Variants in BICD1 observed in about 807,000 individuals in gnomAD.
The protein encoded by BICD1 is protein bicaudal D homolog 1.
A neutral mutation model predicts 92.5 loss-of-function variants in BICD1; 35 were observed. That is an observed-to-expected ratio of 0.38 (90% CI 0.29 to 0.50). The LOEUF is 0.50. BICD1 is among the 20% of genes least tolerant of loss of function. BICD1 has a pLI of 0.93. For synonymous variants in BICD1, 429 were observed against 465.1 expected, an observed-to-expected ratio of 0.92 and a Z score of 1.00; for missense variants, 950 against 1,189.8, an observed-to-expected ratio of 0.80 and a Z score of 2.97.
At chr12:32,141,930 A>T (rs1942933637) in intron 1 of BICD1, among the ~76,000 whole-genome samples, 1 of 152,196 alleles carries the variant, frequency 6.6e-6, no homozygotes, top group Non-Finnish European at 1.5e-5. Flanking sequence ...GTAGGTGACG[A>T]ACAAATGTTC....
chr12:32,376,864 T>A (rs1238006663), intron 9 of BICD1, among the ~76,000 whole-genome samples: 1 of 67,074 alleles, frequency 1.5e-5, no homozygotes, highest in Non-Finnish European at 2.5e-5. Flanking sequence ...CGAGACTCCA[T>A]CTAAAAAAAA....
intron 4 of BICD1, among the ~76,000 whole-genome samples, chr12:32,308,917 G>A (rs1438125653): frequency 1.3e-5 from 2 of 152,144 alleles, no homozygotes; most frequent in Non-Finnish European, 2.9e-5. Flanking sequence ...GTTCAACACA[G>A]GAAGGGCTTT....
chr12:32,340,495 C>G (rs1362296567), intron 8 of BICD1: 6 of 982,088 alleles, frequency 6.1e-6, no homozygotes, highest in Non-Finnish European at 7.3e-6. Context: ...GTAGCACTAT[C>G]TACTGGAACT....
intron 2 of BICD1, chr12:32,228,104 G>A (rs145227387): frequency 7.7e-4 from 164 of 213,916 alleles, no homozygotes; most frequent in African/African-American, 3.5e-3. Context: ...GGATGTTCTT[G>A]GTGTTCTTGA....
chr12:32,137,828 CCTT>C (rs1592358505), intron 1 of BICD1, among the ~76,000 whole-genome samples: 1 of 151,736 alleles, frequency 6.6e-6, no homozygotes, highest in Non-Finnish European at 1.5e-5. Context: ...GACAGAGTCT[CCTT>C]CTGTCTCCTA....
chr12:32,224,053 G>A (rs1208406879), intron 2 of BICD1, among the ~76,000 whole-genome samples: 1 of 152,206 alleles, frequency 6.6e-6, no homozygotes, highest in Non-Finnish European at 1.5e-5. Context: ...CACATTTAAT[G>A]TATCCAGTAA....
intron 1 of BICD1, among the ~76,000 whole-genome samples, chr12:32,158,894 G>A (rs918200808): frequency 6.6e-6 from 1 of 152,124 alleles, no homozygotes; most frequent in Non-Finnish European, 1.5e-5. Flanking sequence ...GAGTGAGTGC[G>A]TGAAAGGGGG....
chr12:32,141,599 G>A (rs1942922444), intron 1 of BICD1, among the ~76,000 whole-genome samples: 1 of 151,910 alleles, frequency 6.6e-6, no homozygotes, highest in African/African-American at 2.4e-5. Context: ...TCAGCCTCCC[G>A]AGTAGCTCGG....
chr12:32,346,693 T>G (rs1938646450), intron 8 of BICD1, among the ~76,000 whole-genome samples: 1 of 133,150 alleles, frequency 7.5e-6, no homozygotes, highest in Non-Finnish European at 1.6e-5. Context: ...TACACATACA[T>G]ACACATTCTG....
chr12:32,188,918 C>G (rs1270992532), intron 1 of BICD1, among the ~76,000 whole-genome samples: 1 of 151,960 alleles, frequency 6.6e-6, no homozygotes, highest in Non-Finnish European at 1.5e-5. Flanking sequence ...TTAGTAGAGA[C>G]GGGGTTTCAC....
intron 2 of BICD1, among the ~76,000 whole-genome samples, chr12:32,243,937 G>A (rs1946302961): frequency 1.3e-5 from 2 of 152,112 alleles, no homozygotes; most frequent in South Asian, 4.1e-4. Flanking sequence ...AAATGTCCCA[G>A]TGCCATTTAC....
At chr12:32,309,259 G>C (rs886930909) in intron 4 of BICD1, among the ~76,000 whole-genome samples, 1 of 152,188 alleles carries the variant, frequency 6.6e-6, no homozygotes, top group African/African-American at 2.4e-5. Flanking sequence ...TGATCAATGA[G>C]AGTACTGTGC....
chr12:32,359,623 G>C (rs1213784669), intron 8 of BICD1, among the ~76,000 whole-genome samples: 1 of 152,044 alleles, frequency 6.6e-6, no homozygotes, highest in Admixed American at 6.5e-5. Context: ...TTTCAATACT[G>C]CCACATTGGA....
intron 1 of BICD1, among the ~76,000 whole-genome samples, chr12:32,135,207 G>A (rs1942691889): frequency 6.6e-6 from 1 of 151,460 alleles, no homozygotes; most frequent in African/African-American, 2.4e-5. Flanking sequence ...TCCTGCCTCA[G>A]CCTCCTGAGT....
chr12:32,351,667 G>A (rs1370603105), intron 8 of BICD1, among the ~76,000 whole-genome samples: 1 of 151,876 alleles, frequency 6.6e-6, no homozygotes, highest in Non-Finnish European at 1.5e-5. Context: ...CACTTTGGGA[G>A]GCCGAGGCAG....
At chr12:32,269,846 C>T (rs56075891) in intron 2 of BICD1, among the ~76,000 whole-genome samples, 7,040 of 152,018 alleles carry the variant, frequency 0.046, 217 homozygotes, top group Middle Eastern at 0.11. Context: ...ATTATCATAT[C>T]GGGCTGAGCA....
At chr12:32,160,859 A>G (rs1307599220) in intron 1 of BICD1, among the ~76,000 whole-genome samples, 1 of 152,204 alleles carries the variant, frequency 6.6e-6, no homozygotes, top group Non-Finnish European at 1.5e-5. Context: ...TTAACACATG[A>G]AGGTAGATAA....
chr12:32,223,239 C>T (rs752184829), intron 2 of BICD1, among the ~76,000 whole-genome samples: 9 of 152,128 alleles, frequency 5.9e-5, no homozygotes, highest in African/African-American at 1.9e-4. Flanking sequence ...GAGAGGCATC[C>T]GGGTGTGGTA....
chr12:32,184,580 C>A (rs772728530), intron 1 of BICD1, among the ~76,000 whole-genome samples: 1 of 152,104 alleles, frequency 6.6e-6, no homozygotes, highest in Admixed American at 6.6e-5. Flanking sequence ...CCACCGCGCC[C>A]GGCCAAAATA....
Sources: allele counts gnomAD v4.1 joint callset (sites outside exome capture counted in the v4.1 genomes callset), GRCh38; gene constraint gnomAD v4.1.1; transcripts MANE v1.5; gene names NCBI Gene and HGNC (gene_info 2026-07-23, HGNC 2026-07-21).